The following KAT2B variants were observed in gnomAD, a reference collection of about 807,000 sequenced individuals.
The protein encoded by KAT2B is histone acetyltransferase KAT2B.
In KAT2B, 36 loss-of-function variants were observed where a neutral mutation model predicts 105.9. The ratio of observed to expected loss-of-function variants is 0.34; its 90% CI spans 0.26 to 0.45. The LOEUF (loss-of-function observed/expected upper bound fraction) is 0.45, where lower values mean the gene tolerates loss of function less well. Among genes scored for constraint, KAT2B ranks in the 20% least tolerant of loss-of-function variants. The pLI, the probability that KAT2B is intolerant of heterozygous loss-of-function variation, is 1.00. For synonymous variants in KAT2B, 397 were observed against 377.9 expected (o/e 1.05, Z -0.59); for missense variants, 820 against 1,021.6 (o/e 0.80, Z 2.69).
chr3:20,049,096 G>A (rs1464626881), intron 1 of KAT2B, among the ~76,000 whole-genome samples: 2 of 151,726 alleles, frequency 1.3e-5, no homozygotes, highest in Non-Finnish European at 2.9e-5. Context: ...TCTTGACCTC[G>A]TGATCCGCCC....
chr3:20,094,252 C>T (rs1357981388), intron 2 of KAT2B, among the ~76,000 whole-genome samples: 2 of 152,102 alleles, frequency 1.3e-5, no homozygotes, highest in African/African-American at 4.8e-5. Context: ...TACATGGCAG[C>T]AGGAGAGAGA....
intron 1 of KAT2B, 133 bp downstream of exon 1, chr3:20,040,913 G>C (rs1056488069): frequency 1.7e-6 from 2 of 1,145,070 alleles, no homozygotes; most frequent in Non-Finnish European, 2.3e-6. Context: ...GCTGCACCGC[G>C]GAAGTGCTCT....
intron 5 of KAT2B, among the ~76,000 whole-genome samples, chr3:20,107,513 C>T (rs1699042371): frequency 6.6e-6 from 1 of 150,974 alleles, no homozygotes; most frequent in South Asian, 2.1e-4. Context: ...CAAAAATTAG[C>T]CAGGCATGGT....
At chr3:20,098,743 A>T (rs185985620) in intron 3 of KAT2B, among the ~76,000 whole-genome samples, 7 of 152,358 alleles carry the variant, frequency 4.6e-5, no homozygotes, top group Admixed American at 3.9e-4. Flanking sequence ...AACATATACA[A>T]TGACTTATCT....
chr3:20,119,847 G>C (rs1699277111), intron 8 of KAT2B, 124 bp downstream of exon 8: 3 of 1,024,328 alleles, frequency 2.9e-6, no homozygotes, highest in Admixed American at 5.4e-5. Flanking sequence ...TTAACAGCTA[G>C]AAATAACTTT....
At chr3:20,047,074 C>CG (rs141129248) in intron 1 of KAT2B, among the ~76,000 whole-genome samples, 3 of 115,228 alleles carry the variant, frequency 2.6e-5, no homozygotes, top group Non-Finnish European at 5.6e-5. Context: ...TTTTGTTTTG[C>CG]CCCCCCCTTT....
chr3:20,114,960 C>T lies in KAT2B; in HGVS notation c.1122C>T (p.Ser374=). Residue 374 remains serine, a synonymous_variant, in exon 7 of 18, where the codon TCC becomes TCT. Transcript: ENST00000263754. ...IWDQDFLSAS[S]RTSQLGIQTV... is the part of the protein sequence containing the mutation. ...ATCAGGATTTTCTCTCAGCCTCTTC[C>T]AGAACCAGCCAGCTAGGCATCCAAA... The T allele has an allele frequency of 1.2e-6, 2 of 1,612,014 alleles. No homozygotes were observed. Among genetic ancestry groups the T allele is most frequent in the Non-Finnish European group, 1.7e-6 (2 of 1,178,200 alleles).
intron 9 of KAT2B, among the ~76,000 whole-genome samples, chr3:20,123,671 T>G (rs1011338427): frequency 6.6e-6 from 1 of 152,224 alleles, no homozygotes; most frequent in Admixed American, 6.5e-5. Context: ...TTAGGGATTG[T>G]GCATTGCATT....
At chr3:20,094,266 C>T (rs1013633957) in intron 2 of KAT2B, among the ~76,000 whole-genome samples, 1 of 151,836 alleles carries the variant, frequency 6.6e-6, no homozygotes, top group Non-Finnish European at 1.5e-5. Flanking sequence ...AGAGAGAGAG[C>T]GAGCGAGCGA....
At chr3:20,094,770 T>A (rs1420220176) in intron 2 of KAT2B, among the ~76,000 whole-genome samples, 2 of 152,170 alleles carry the variant, frequency 1.3e-5, no homozygotes, top group East Asian at 3.9e-4. Context: ...CTTCAGTCTT[T>A]ACACTGTCAT....
intron 1 of KAT2B, among the ~76,000 whole-genome samples, chr3:20,062,224 AAAAAT>A (rs1282926585): frequency 5.3e-5 from 3 of 57,012 alleles, no homozygotes; most frequent in African/African-American, 1.3e-4. Context: ...TATTATATAT[AAAAAT>A]ATATATAAAA....
intron 1 of KAT2B, among the ~76,000 whole-genome samples, chr3:20,043,450 A>C (rs1342981480): frequency 6.6e-6 from 1 of 152,208 alleles, no homozygotes; most frequent in Non-Finnish European, 1.5e-5. Flanking sequence ...TTGCGGACCC[A>C]GAGCAGGACA....
Position 20,040,742 on chromosome 3 carries a change from A to G in KAT2B, c.265A>G (p.Lys89Glu). 1.3e-6 allele frequency: 2 copies of G among 1,594,988 alleles called. No individual in the cohort carries two copies. Among genetic ancestry groups the G allele is most frequent in the Non-Finnish European group, 1.7e-6 (2 of 1,173,312 alleles). ...GCAACTACGCTCCGCTCCGCGGGCC[A>G]AGAAACTGGAGAAACTCGGAGTGTA... The part of the protein sequence containing the change: ...KAQLRSAPRA[K>E]KLEKLGVYSA... Residue 89 changes from lysine to glutamate, a missense_variant, in exon 1 of 18, where the codon AAG becomes GAG. By Grantham distance (56) the Lys-to-Glu change is moderately conservative (BLOSUM62 1). Around this residue, in one of 6 missense-constraint regions of KAT2B, gnomAD observed 190 missense variants for 176.7 expected, o/e 1.08. Transcript: ENST00000263754.
At chr3:20,152,187 G>C in intron 17 of KAT2B, 145 bp from the exon 18 acceptor site, 1 of 553,956 alleles carries the variant, frequency 1.8e-6, no homozygotes, top group Non-Finnish European at 3.1e-6. Context: ...GTTTTCCTTG[G>C]TCATAAGAAT....
chr3:20,126,558 C>T (rs894491457), intron 10 of KAT2B, among the ~76,000 whole-genome samples: 2 of 151,188 alleles, frequency 1.3e-5, no homozygotes, highest in Non-Finnish European at 2.9e-5. Flanking sequence ...CATGGTGGCT[C>T]ATGCCTGTAA....
chr3:20,137,622 G>A (rs1699625040), intron 12 of KAT2B: 1 of 154,008 alleles, frequency 6.5e-6, no homozygotes, highest in Middle Eastern at 5.2e-4. Flanking sequence ...CTGCAGCCTT[G>A]ACCTCCTGGG....
chr3:20,132,016 A>G (rs1310191696), intron 11 of KAT2B, among the ~76,000 whole-genome samples: 1 of 152,158 alleles, frequency 6.6e-6, no homozygotes, highest in Admixed American at 6.5e-5. Context: ...TGTGCTGAAA[A>G]CACAAGATAA....
chr3:20,041,664 A>T (rs1433230414), intron 1 of KAT2B, among the ~76,000 whole-genome samples: 1 of 152,140 alleles, frequency 6.6e-6, no homozygotes, highest in Non-Finnish European at 1.5e-5. Flanking sequence ...TTGTTTTGAC[A>T]GGGTGACAGC....
chr3:20,096,845 G>T (rs1023260708), intron 3 of KAT2B, among the ~76,000 whole-genome samples: 1 of 151,870 alleles, frequency 6.6e-6, no homozygotes, highest in East Asian at 1.9e-4. Flanking sequence ...GTACTAATGG[G>T]TTTTTTTGGG....
Sources: allele counts gnomAD v4.1 joint callset (sites outside exome capture counted in the v4.1 genomes callset), GRCh38; gene constraint gnomAD v4.1.1; regional missense constraint gnomAD v4.1.1; transcripts MANE v1.5; gene names NCBI Gene and HGNC (gene_info 2026-07-23, HGNC 2026-07-21).